The following MARK2 variants were observed in gnomAD, a reference collection of about 807,000 sequenced individuals.
MARK2 encodes microtubule affinity regulating kinase 2.
In MARK2, 16 loss-of-function variants were observed where a neutral mutation model predicts 89.8. The ratio of observed to expected loss-of-function variants is 0.18; its 90% confidence interval spans 0.12 to 0.27. The LOEUF is 0.27. Ranked by LOEUF, MARK2 falls within the 10% of genes least tolerant of loss-of-function variation. The probability of loss-of-function intolerance (pLI) is 1.00; values close to 1 mark genes in which losing one functional copy is unlikely to be tolerated. For synonymous variants in MARK2, 382 were observed against 399.5 expected, an observed-to-expected ratio of 0.96 and a Z score of 0.52; for missense variants, 621 against 1,049.9, an observed-to-expected ratio of 0.59 and a Z score of 5.65.
rs115902012 is a variant in MARK2, at chr11:63,880,662, G to T, written c.55-14497G>T. ...GTGGTTGTCATGGGCAGCAGGAAGT[G>T]TGAAGGAGAGGGTTTTCCCTCCGAT... On this transcript the variant is annotated intron_variant, in intron 1 of 18. Transcript: ENST00000402010. 6.2e-3 allele frequency among the ~76,000 whole-genome samples: 950 copies of T among 152,326 alleles called. 13 individuals carry two copies. Among genetic ancestry groups the T allele is most frequent in the African/African-American group, 0.022 (910 of 41,572 alleles).
At position 63,909,253 on chromosome 11, in the gene MARK2, G is replaced by C. The variant is rs780868528; in HGVS notation, c.*16G>C. On this transcript the variant is annotated 3_prime_UTR_variant, in exon 19 of 19. Transcript: ENST00000402010. The stretch of plus-strand genomic sequence containing the variant: ...GAAGCTTTAACAGGCTGCCAGGAGC[G>C]GGGGCGGCGGGGGCGGGCCAGCTGG... The C allele has an allele frequency of 3.2e-6, 5 of 1,560,744 alleles. No individual in the cohort carries two copies. Among genetic ancestry groups the C allele is most frequent in the Non-Finnish European group, 4.4e-6 (5 of 1,145,546 alleles).
At chr11:63,867,844 G>T (rs1938219580) in intron 1 of MARK2, among the ~76,000 whole-genome samples, 1 of 151,830 alleles carries the variant, frequency 6.6e-6, no homozygotes, top group South Asian at 2.1e-4. Flanking sequence ...TTAGCCCACT[G>T]TTCCTCTGAA....
chr11:63,861,210 C>A (rs910992691), intron 1 of MARK2, among the ~76,000 whole-genome samples: 1 of 151,606 alleles, frequency 6.6e-6, no homozygotes, highest in Non-Finnish European at 1.5e-5. Context: ...CTAAGGCGGG[C>A]GGATCACGAG....
chr11:63,894,764 G>A (rs367569544), intron 1 of MARK2, among the ~76,000 whole-genome samples: 8 of 152,328 alleles, frequency 5.3e-5, no homozygotes, highest in African/African-American at 1.9e-4. Flanking sequence ...CGTTGAAGCA[G>A]TTATGACCAT....
At chr11:63,878,398 T>C (rs1368983117) in intron 1 of MARK2, among the ~76,000 whole-genome samples, 1 of 137,470 alleles carries the variant, frequency 7.3e-6, no homozygotes, top group Admixed American at 7.5e-5. Context: ...ACAGAGTCTC[T>C]CTCGCTCTGT....
chr11:63,888,926 TG>T, intron 1 of MARK2: 2 of 1,351,162 alleles, frequency 1.5e-6, no homozygotes, highest in Non-Finnish European at 2.0e-6. Flanking sequence ...CTCTGCTGAA[TG>T]GAAGTCGCTG....
chr11:63,856,756 T>A (rs1408591124), intron 1 of MARK2, among the ~76,000 whole-genome samples: 2 of 148,652 alleles, frequency 1.3e-5, no homozygotes, highest in South Asian at 4.2e-4. Context: ...TTTCCATTTT[T>A]AAATTTTTCA....
chr11:63,880,309 G>A (rs946576698), intron 1 of MARK2: 3 of 151,994 alleles, frequency 2.0e-5, no homozygotes, highest in Non-Finnish European at 4.4e-5. Context: ...GAGGGGTTGG[G>A]GGCAGGGTGG....
chr11:63,843,610 A>AATAT (rs563767751), intron 1 of MARK2, among the ~76,000 whole-genome samples: 4 of 151,260 alleles, frequency 2.6e-5, no homozygotes, highest in Non-Finnish European at 4.4e-5. Context: ...TCTGGATAAA[A>AATAT]ATATATATAT....
At chr11:63,905,070 GAGGCTCAGGCC>G (rs1941213872) in intron 16 of MARK2, 27 bp downstream of exon 16, 1 of 1,481,354 alleles carries the variant, frequency 6.8e-7, no homozygotes, top group Non-Finnish European at 9.2e-7. Flanking sequence ...GGGTGGCAGA[GAGGCTCAGGCC>G]AGGCCTTCCT....
Position 63,898,684 on chromosome 11 carries a change from A to C in MARK2, c.403+11A>C. 6.2e-7 allele frequency: 1 copy of C among 1,613,312 alleles called. No homozygotes were observed. Among genetic ancestry groups the C allele is most frequent in the East Asian group, 2.2e-5 (1 of 44,892 alleles). ...AGTACGCTAGTGGCGGTAGGTGTGG[A>C]ACTGCCTCTTCCTGTTGTGCCCCCA... On this transcript the variant is annotated intron_variant, in intron 5 of 18. Transcript: ENST00000402010.
chr11:63,894,342 C>T (rs954959293), intron 1 of MARK2, among the ~76,000 whole-genome samples: 2 of 152,180 alleles, frequency 1.3e-5, no homozygotes, highest in South Asian at 2.1e-4. Context: ...GCGGGAGACT[C>T]GGGTTCGACT....
At chr11:63,851,847 T>C (rs1053050178) in intron 1 of MARK2, among the ~76,000 whole-genome samples, 5 of 152,208 alleles carry the variant, frequency 3.3e-5, no homozygotes, top group Non-Finnish European at 7.3e-5. Flanking sequence ...AGCATTCTGG[T>C]TTCCCTGGTG....
chr11:63,854,300 A>G (rs1484016907), intron 1 of MARK2, among the ~76,000 whole-genome samples: 1 of 150,168 alleles, frequency 6.7e-6, no homozygotes, highest in Admixed American at 6.7e-5. Context: ...CCCGGGTTCA[A>G]GTGATTTTCT....
At chr11:63,847,465 G>A (rs2016340539) in intron 1 of MARK2, among the ~76,000 whole-genome samples, 1 of 152,168 alleles carries the variant, frequency 6.6e-6, no homozygotes, top group Non-Finnish European at 1.5e-5. Context: ...TTTAACATGA[G>A]GAAGGCGGAG....
At chr11:63,840,692 G>A (rs1454968915) in intron 1 of MARK2, among the ~76,000 whole-genome samples, 1 of 152,036 alleles carries the variant, frequency 6.6e-6, no homozygotes, top group Non-Finnish European at 1.5e-5. Flanking sequence ...TTTCATCTCC[G>A]CATTAGTCTC....
intron 1 of MARK2, chr11:63,890,382 GAT>G (rs929781160): frequency 1.0e-4 from 74 of 706,310 alleles, no homozygotes; most frequent in Admixed American, 4.7e-4. Flanking sequence ...TGGAGCAGGG[GAT>G]CAAAGAGCAA....
In MARK2 at chr11:63,910,011, T is replaced by G. The variant is rs537938608; in HGVS notation, c.*774T>G. On this transcript the variant is annotated 3_prime_UTR_variant, in exon 19 of 19. Coordinates refer to ENST00000402010, the MANE Select transcript of MARK2 (RefSeq NM_001039469.3). ...CACAAGCTGCTGTGGGGACGTGTGTTCCCTCAAAGTCTGTGCCATCTTCTC... is the reference window on the plus strand; with the variant it reads ...CACAAGCTGCTGTGGGGACGTGTGTGCCCTCAAAGTCTGTGCCATCTTCTC... 6.6e-6 allele frequency: 1 copy of G among 152,478 alleles called. No homozygotes were observed. Among genetic ancestry groups the G allele is most frequent in the African/African-American group, 2.4e-5 (1 of 41,534 alleles). The allele number at this position is 152,478 out of a possible 1,614,324, so 9.4% of individuals were successfully genotyped here. A position where few individuals can be genotyped will look rare whatever the true frequency, so the allele number is the denominator to read the frequency against.
intron 1 of MARK2, among the ~76,000 whole-genome samples, chr11:63,889,600 G>A (rs939450285): frequency 6.6e-6 from 1 of 152,216 alleles, no homozygotes; most frequent in Non-Finnish European, 1.5e-5. Context: ...CAGGCGGAAG[G>A]GGCCTGACAG....
Sources: gnomAD v4.1 joint callset for allele counts (sites outside exome capture counted in the v4.1 genomes callset) on GRCh38, gnomAD v4.1.1 for gene constraint, MANE v1.5 for transcripts, NCBI Gene and HGNC (gene_info 2026-07-23, HGNC 2026-07-21) for gene names.